Variants in ZNF233 observed in about 807,000 individuals in gnomAD.
The protein encoded by ZNF233 is zinc finger protein 233.
Under a neutral mutation model 11.6 loss-of-function variants are expected in ZNF233, and 7 were observed. The ratio of observed to expected loss-of-function variants is 0.60; its 90% CI spans 0.34 to 1.13. ZNF233 has a LOEUF of 1.13. Ranked by LOEUF, ZNF233 falls within the 50% of genes most tolerant of loss-of-function variation. The pLI is 0.03. For synonymous variants in ZNF233, 226 were observed against 268.5 expected (o/e 0.84, Z 1.55); for missense variants, 711 against 785.5 (o/e 0.91, Z 1.13).
At chr19:44,271,312 C>A (rs1202728128) in intron 4 of ZNF233, among the ~76,000 whole-genome samples, 1 of 151,986 alleles carries the variant, frequency 6.6e-6, no homozygotes, top group East Asian at 1.9e-4. Flanking sequence ...CAAGGATGTC[C>A]CCTCTTTCTT....
In ZNF233 at chr19:44,266,221, G is replaced by A; in HGVS notation, c.39G>A (p.Val13=). The part of the protein sequence containing the change: ...KFQEMVTFKD[V]AVVFTREELG... Reference sequence around the variant, plus strand: ...AGGAGATGGTGACATTCAAGGATGTGGCTGTGGTCTTCACCAGGGAGGAGC... The same window carrying A: ...AGGAGATGGTGACATTCAAGGATGTAGCTGTGGTCTTCACCAGGGAGGAGC... The change falls in exon 3 of 5, where the codon GTG becomes GTA. Residue 13 remains valine, a synonymous_variant. Coordinates refer to ENST00000683810, the MANE Select transcript of ZNF233 (RefSeq NM_001207005.2). 1.2e-6 allele frequency: 2 copies of A among 1,611,670 alleles called. No homozygotes were observed. Among genetic ancestry groups the A allele is most frequent in the Non-Finnish European group, 1.7e-6 (2 of 1,178,640 alleles).
chr19:44,275,028 G>A lies in ZNF233; in HGVS notation c.*355G>A, dbSNP rs1394766039. 1.2e-5 allele frequency: 5 copies of A among 406,726 alleles called. No homozygotes were observed. The East Asian group carries it at 1.4e-4, about 11-fold the overall frequency. The allele number at this position is 406,726 out of a possible 1,614,324, so 25.2% of individuals were successfully genotyped here. On this transcript the variant is annotated 3_prime_UTR_variant, in exon 5 of 5. Transcript: ENST00000683810. ...TAAGTAAGGTCAGAATTTAGCAAAAGTATAATGAGGGACATGACAAAATCT... is the reference window on the plus strand; with the variant it reads ...TAAGTAAGGTCAGAATTTAGCAAAAATATAATGAGGGACATGACAAAATCT...
intron 4 of ZNF233, among the ~76,000 whole-genome samples, chr19:44,270,759 T>C (rs1975216609): frequency 6.6e-6 from 1 of 152,194 alleles, no homozygotes; most frequent in Non-Finnish European, 1.5e-5. Flanking sequence ...GCTTCCTTGC[T>C]AAGTGAACCA....
chr19:44,274,925 TAAAG>T lies in ZNF233; in HGVS notation c.*255_*258del. The T allele has an allele frequency of 2.2e-6, 1 of 459,222 alleles. No homozygotes were observed. Among genetic ancestry groups the T allele is most frequent in the South Asian group, 6.3e-5 (1 of 15,940 alleles). The allele number at this position is 459,222 out of a possible 1,614,324, so 28.4% of individuals were successfully genotyped here. On this transcript the variant is annotated 3_prime_UTR_variant, in exon 5 of 5. Coordinates refer to ENST00000683810, the MANE Select transcript of ZNF233 (RefSeq NM_001207005.2). The stretch of plus-strand genomic sequence containing the variant: ...GAGAACACACAACAGAGAAACCCTA[TAAAG>T]AATGATACAATATGTTTCAATCAGA...
chr19:44,262,725 A>C (rs926868950), intron 1 of ZNF233, among the ~76,000 whole-genome samples: 4 of 152,180 alleles, frequency 2.6e-5, no homozygotes, highest in Non-Finnish European at 4.4e-5. Context: ...GAAACCTCTT[A>C]ATAACCCTAC....
chr19:44,272,324 G>C (rs1172897654), intron 4 of ZNF233, among the ~76,000 whole-genome samples: 1 of 131,518 alleles, frequency 7.6e-6, no homozygotes, highest in African/African-American at 2.9e-5. Context: ...TGGTTACATT[G>C]TACAACCTGC....
At chr19:44,269,035 T>G (rs1247102866) in intron 4 of ZNF233, among the ~76,000 whole-genome samples, 2 of 152,176 alleles carry the variant, frequency 1.3e-5, no homozygotes, top group Non-Finnish European at 2.9e-5. Context: ...TCCAATCTTC[T>G]TATCTTTTAT....
intron 2 of ZNF233, among the ~76,000 whole-genome samples, chr19:44,265,613 T>C (rs1306076971): frequency 1.3e-5 from 2 of 152,068 alleles, no homozygotes; most frequent in African/African-American, 2.4e-5. Flanking sequence ...GTAGAGACGG[T>C]GTTTCACCAT....
In ZNF233 at chr19:44,266,915, C is replaced by T; in HGVS notation, c.192C>T (p.Asp64=). 6.2e-7 allele frequency: 1 copy of T among 1,614,064 alleles called. No individual in the cohort carries two copies. Among genetic ancestry groups the T allele is most frequent in the Non-Finnish European group, 8.5e-7 (1 of 1,179,982 alleles). Residue 64 remains aspartate, a synonymous_variant, in exon 4 of 5, where the codon GAC becomes GAT. Coordinates refer to ENST00000683810, the MANE Select transcript of ZNF233 (RefSeq NM_001207005.2). ...TGATATTACAGTTGGGAAAAGAAGA[C>T]AAGCTTCGGATGATGGAGACAGAAA... ...LDVILQLGKE[D]KLRMMETEIQ...
intron 1 of ZNF233, among the ~76,000 whole-genome samples, chr19:44,263,552 C>T (rs1242877128): frequency 6.6e-6 from 1 of 151,994 alleles, no homozygotes; most frequent in Non-Finnish European, 1.5e-5. Context: ...ACAGTGAGCA[C>T]GGGAAAGGGA....
At position 44,275,146 on chromosome 19, in the gene ZNF233, TG is replaced by T. The variant is rs1240346546; in HGVS notation, c.*475del. 2.6e-6 allele frequency: 1 copy of T among 390,462 alleles called. No individual in the cohort carries two copies. Among genetic ancestry groups the T allele is most frequent in the Non-Finnish European group, 4.5e-6 (1 of 221,600 alleles). 24.2% of individuals were successfully genotyped at this position (390,462 alleles called of 1,614,324 possible). ...AGTACCTAAGAAATAGTGGCTTCCC[TG>T]GAATTGTTTAACTTGATAGGAAAAA... On this transcript the variant is annotated 3_prime_UTR_variant, in exon 5 of 5. Coordinates refer to ENST00000683810, the MANE Select transcript of ZNF233 (RefSeq NM_001207005.2).
chr19:44,273,400 C>T lies in ZNF233; in HGVS notation c.740C>T (p.Ser247Leu). Residue 247 changes from serine (S) to leucine (L), a missense_variant, in exon 5 of 5, where the codon TCA becomes TTA. By Grantham distance (145) the Ser-to-Leu change is moderately radical. Coordinates refer to ENST00000683810, the MANE Select transcript of ZNF233 (RefSeq NM_001207005.2). ...NNCGKDCVKESSQHSIIQSGE... is the reference protein window; with the variant it reads ...NNCGKDCVKELSQHSIIQSGE... Reference sequence around the variant, plus strand: ...TGTGGAAAAGACTGTGTGAAGGAATCATCCCAGCATAGCATAATCCAATCA... The same window carrying T: ...TGTGGAAAAGACTGTGTGAAGGAATTATCCCAGCATAGCATAATCCAATCA... The T allele has an allele frequency of 6.2e-7, 1 of 1,614,214 alleles. No homozygotes were observed.
intron 1 of ZNF233, among the ~76,000 whole-genome samples, chr19:44,261,394 C>T (rs193097864): frequency 2.0e-5 from 3 of 152,150 alleles, no homozygotes; most frequent in Admixed American, 2.0e-4. Context: ...TCCCACTGCA[C>T]TCCAGCCTGG....
At chr19:44,265,366 TACAC>T (rs67044027) in intron 2 of ZNF233, among the ~76,000 whole-genome samples, 12,851 of 132,810 alleles carry the variant, frequency 0.097, 669 homozygotes, top group African/African-American at 0.15. Context: ...CATATATATA[TACAC>T]ACACACACAC....
intron 4 of ZNF233, among the ~76,000 whole-genome samples, chr19:44,270,699 G>T (rs984556941): frequency 6.6e-6 from 1 of 152,198 alleles, no homozygotes; most frequent in East Asian, 1.9e-4. Context: ...TGGGACTGAA[G>T]GACCTGCTTC....
intron 4 of ZNF233, among the ~76,000 whole-genome samples, chr19:44,270,357 A>AC (rs1975204955): frequency 6.7e-6 from 1 of 150,180 alleles, no homozygotes; most frequent in African/African-American, 2.4e-5. Context: ...AAAAAAAAAA[A>AC]AAAAAAAAAA....
intron 4 of ZNF233, chr19:44,267,568 G>C (rs2123053200): frequency 2.6e-6 from 1 of 390,066 alleles, no homozygotes; most frequent in Non-Finnish European, 4.5e-6. Context: ...TTTTGGTAGA[G>C]ATGAGGTCTC....
chr19:44,265,047 G>C (rs1486743602), intron 2 of ZNF233, among the ~76,000 whole-genome samples: 1 of 152,040 alleles, frequency 6.6e-6, no homozygotes, highest in African/African-American at 2.4e-5. Context: ...TTCAGAACAA[G>C]ATATAGAACA....
chr19:44,260,079 C>T (rs780374965), intron 1 of ZNF233, 141 bp downstream of exon 1: 9 of 345,238 alleles, frequency 2.6e-5, no homozygotes, highest in South Asian at 1.9e-4. Context: ...GTTTTTAGGG[C>T]GGTGCATGGG....
Sources: gnomAD v4.1 joint callset for allele counts (sites outside exome capture counted in the v4.1 genomes callset) on GRCh38, gnomAD v4.1.1 for gene constraint, MANE v1.5 for transcripts, NCBI Gene and HGNC (gene_info 2026-07-23, HGNC 2026-07-21) for gene names.